The following CSMD3 variants were observed in gnomAD, a reference collection of about 807,000 sequenced individuals.
The protein encoded by CSMD3 is CUB and sushi domain-containing protein 3.
CSMD3 carries 177 observed loss-of-function variants against 435.2 expected under a neutral mutation model. That is an observed-to-expected ratio of 0.41 (90% CI 0.36 to 0.46). The LOEUF (loss-of-function observed/expected upper bound fraction) is 0.46, where lower values mean the gene tolerates loss of function less well. Among genes scored for constraint, CSMD3 ranks in the 20% least tolerant of loss-of-function variants. The pLI is 0.34. For synonymous variants in CSMD3, 1,656 were observed against 1,520.5 expected, an observed-to-expected ratio of 1.09 and a Z score of -2.07; for missense variants, 4,265 against 4,504.6, an observed-to-expected ratio of 0.95 and a Z score of 1.52.
intron 10 of CSMD3, among the ~76,000 whole-genome samples, chr8:112,870,006 C>T (rs1162398828): frequency 6.6e-6 from 1 of 152,064 alleles, no homozygotes; most frequent in South Asian, 2.1e-4. Flanking sequence ...ATGTAACAAA[C>T]CTGCACGTTC....
chr8:112,785,389 A>G (rs60107884), intron 13 of CSMD3, among the ~76,000 whole-genome samples: 2,651 of 152,156 alleles, frequency 0.017, 73 homozygotes, highest in African/African-American at 0.061. Flanking sequence ...TATTCAACAT[A>G]GTACCAGAAA....
Position 112,304,926 on chromosome 8 carries a change from A to G in CSMD3, c.8072-11T>C. The G allele has an allele frequency of 6.2e-7, 1 of 1,607,336 alleles. No homozygotes were observed. Among genetic ancestry groups the G allele is most frequent in the Non-Finnish European group, 8.5e-7 (1 of 1,175,136 alleles). On this transcript the variant is annotated splice_polypyrimidine_tract_variant and intron_variant, in intron 51 of 70. Transcript: ENST00000297405. ...TTGGACATGTAACAACTATACAAAA[A>G]CCAAAGGGTGTAATTGCTAACAAAT...
chr8:112,468,894 C>A lies in CSMD3; in HGVS notation c.5395+3697G>T, dbSNP rs539527895. 2.0e-5 allele frequency among the ~76,000 whole-genome samples: 3 copies of A among 151,992 alleles called. No individual in the cohort carries two copies. The East Asian group carries it at 5.8e-4, about 29-fold the overall frequency. ...GAGTAATAAAACAAGTAGAATCCTG[C>A]AGGATGAATATTTCCAAAATCTGAC... is the stretch of plus-strand genomic sequence containing the variant. On this transcript the variant is annotated intron_variant, in intron 32 of 70. Coordinates refer to ENST00000297405, the MANE Select transcript of CSMD3 (RefSeq NM_198123.2).
At chr8:112,452,429 T>A (rs1816386209) in intron 32 of CSMD3, among the ~76,000 whole-genome samples, 1 of 152,118 alleles carries the variant, frequency 6.6e-6, no homozygotes, top group African/African-American at 2.4e-5. Context: ...GTGTACATGT[T>A]GATTAAAAAA....
intron 3 of CSMD3, among the ~76,000 whole-genome samples, chr8:113,193,841 A>G (rs1564412015): frequency 6.6e-6 from 1 of 151,412 alleles, no homozygotes; most frequent in Non-Finnish European, 1.5e-5. Flanking sequence ...TTGTTTATGA[A>G]TAAGTATGAA....
At chr8:112,355,633 A>G (rs11992784) in intron 38 of CSMD3, among the ~76,000 whole-genome samples, 5,738 of 152,144 alleles carry the variant, frequency 0.038, 361 homozygotes, top group African/African-American at 0.13. Flanking sequence ...GGAGATTGAG[A>G]CCATCCTGGC....
rs187133211 is a variant in CSMD3, at chr8:112,241,881, C to T, written c.10403-96G>A. The T allele has an allele frequency of 5.8e-4, 469 of 807,360 alleles. 2 individuals carry two copies. In the African/African-American group the frequency reaches 6.7e-3, roughly 12 times the overall value. The allele number at this position is 807,360 out of a possible 1,614,324, so 50.0% of individuals were successfully genotyped here. A position where few individuals can be genotyped will look rare whatever the true frequency, so the allele number is the denominator to read the frequency against. ...ACGCACACACACACACAGTGTGATG[C>T]ACTGTCCATTTTATTCTCTGACATT... On this transcript the variant is annotated intron_variant, in intron 65 of 70. Coordinates refer to ENST00000297405, the MANE Select transcript of CSMD3 (RefSeq NM_198123.2).
At chr8:112,926,860 A>G (rs1473195555) in intron 9 of CSMD3, among the ~76,000 whole-genome samples, 5 of 152,086 alleles carry the variant, frequency 3.3e-5, no homozygotes, top group Non-Finnish European at 1.5e-5. Context: ...TTTTGTTGTT[A>G]TTATTTTTTG....
chr8:113,039,479 A>C (rs189080916), intron 5 of CSMD3, among the ~76,000 whole-genome samples: 41 of 152,320 alleles, frequency 2.7e-4, no homozygotes, highest in African/African-American at 9.4e-4. Context: ...ACCCTTGCAT[A>C]CATATGCACA....
chr8:113,396,812 T>A (rs2133181935), intron 1 of CSMD3, among the ~76,000 whole-genome samples: 1 of 152,270 alleles, frequency 6.6e-6, no homozygotes, highest in South Asian at 2.1e-4. Context: ...TCACAGTTTA[T>A]TCATTTATAA....
intron 69 of CSMD3, among the ~76,000 whole-genome samples, chr8:112,229,889 TAAA>T (rs60494083): frequency 6.0e-4 from 85 of 141,572 alleles, no homozygotes; most frequent in Middle Eastern, 3.8e-3. Flanking sequence ...CAGCCGAGAT[TAAA>T]AAAAAAAAAA....
chr8:113,383,894 T>A (rs1228630446), intron 1 of CSMD3, among the ~76,000 whole-genome samples: 1 of 152,148 alleles, frequency 6.6e-6, no homozygotes, highest in Non-Finnish European at 1.5e-5. Flanking sequence ...ACCTTCTCAC[T>A]TGGTCCCTCT....
At chr8:112,625,081 T>A (rs1834370183) in intron 22 of CSMD3, among the ~76,000 whole-genome samples, 1 of 152,036 alleles carries the variant, frequency 6.6e-6, no homozygotes, top group Non-Finnish European at 1.5e-5. Context: ...AGTGATGATA[T>A]CCTTGAAATT....
intron 7 of CSMD3, among the ~76,000 whole-genome samples, chr8:112,968,893 T>G (rs2084529737): frequency 6.6e-6 from 1 of 152,020 alleles, no homozygotes; most frequent in Non-Finnish European, 1.5e-5. Flanking sequence ...TGATGCTTAT[T>G]AAGATTTTAA....
chr8:112,576,694 C>T (rs983589507), intron 23 of CSMD3, among the ~76,000 whole-genome samples: 2 of 144,848 alleles, frequency 1.4e-5, no homozygotes, highest in Non-Finnish European at 1.5e-5. Flanking sequence ...CCAAGCCTGG[C>T]TAATTTTTGT....
intron 1 of CSMD3, among the ~76,000 whole-genome samples, chr8:113,342,812 G>A (rs1253169138): frequency 6.6e-6 from 1 of 151,614 alleles, no homozygotes; most frequent in Non-Finnish European, 1.5e-5. Context: ...TCAAGAATTA[G>A]CACTCTTCTA....
In CSMD3 at chr8:112,566,820, G is replaced by T. The variant is rs114622851; in HGVS notation, c.4042+6681C>A. On this transcript the variant is annotated intron_variant, in intron 24 of 70. Transcript: ENST00000297405. ...ATTTGCAAAATAAGATTAGGGTGGG[G>T]CAGCCAGCTTCTGGTGTGTTATGTA... Among the ~76,000 whole-genome samples the T allele has an allele frequency of 6.2e-3, 944 of 152,196 alleles. 13 individuals carry two copies. Among genetic ancestry groups the T allele is most frequent in the African/African-American group, 0.022 (909 of 41,544 alleles).
rs186913529 is a variant in CSMD3 at position 112,624,257 on chromosome 8, A to G, written c.3715+12560T>C. Among the ~76,000 whole-genome samples the G allele has an allele frequency of 2.7e-3, 405 of 152,214 alleles. 1 individual carries two copies. The highest frequency in any genetic ancestry group is 8.8e-3 in the African/African-American group (365 of 41,582). ...CTTTCCAAATTTGGCAATGACTTAAATATTATAGAAATCGATATCCTGAAA... is the reference window on the plus strand; with the variant it reads ...CTTTCCAAATTTGGCAATGACTTAAGTATTATAGAAATCGATATCCTGAAA... On this transcript the variant is annotated intron_variant, in intron 22 of 70. Coordinates refer to ENST00000297405, the MANE Select transcript of CSMD3 (RefSeq NM_198123.2).
chr8:112,929,327 T>C (rs1455209867), intron 9 of CSMD3, among the ~76,000 whole-genome samples: 3 of 151,040 alleles, frequency 2.0e-5, no homozygotes, highest in African/African-American at 7.3e-5. Context: ...TGTATGCGTA[T>C]GTAACTAACC....
Sources: allele counts gnomAD v4.1 joint callset (sites outside exome capture counted in the v4.1 genomes callset), GRCh38; gene constraint gnomAD v4.1.1; transcripts MANE v1.5; gene names NCBI Gene and HGNC (gene_info 2026-07-23, HGNC 2026-07-21).